The following PTPN20 variants were observed in gnomAD, a reference collection of about 807,000 sequenced individuals.
PTPN20 encodes the protein tyrosine-protein phosphatase non-receptor type 20.
PTPN20 carries 9 observed loss-of-function variants against 35.0 expected under a neutral mutation model. That is an observed-to-expected ratio of 0.26 (90% CI 0.15 to 0.45). PTPN20 has a LOEUF of 0.45. Among genes scored for constraint, PTPN20 ranks in the 20% least tolerant of loss-of-function variants. The pLI, the probability that PTPN20 is intolerant of heterozygous loss-of-function variation, is 1.00. For synonymous variants in PTPN20, 32 were observed against 100.2 expected (o/e 0.32, Z 4.06); for missense variants, 111 against 312.5 (o/e 0.36, Z 4.86).
chr10:46,928,396 A>T (rs1443752543), intron 1 of PTPN20, among the ~76,000 whole-genome samples: 1 of 151,374 alleles, frequency 6.6e-6, no homozygotes, highest in Non-Finnish European at 1.5e-5. Flanking sequence ...TTAAAAGTCA[A>T]CTTTATTGAG....
At chr10:46,998,832 T>A (rs1021312884) in intron 9 of PTPN20, among the ~76,000 whole-genome samples, 17 of 151,984 alleles carry the variant, frequency 1.1e-4, no homozygotes, top group Non-Finnish European at 1.9e-4. Flanking sequence ...TAAAATAAAA[T>A]TTTTTTATGG....
At chr10:46,988,883 C>T (rs1190452314) in intron 9 of PTPN20, among the ~76,000 whole-genome samples, 1 of 149,896 alleles carries the variant, frequency 6.7e-6, no homozygotes. Flanking sequence ...ATAAGATCAC[C>T]TTCTTTATTT....
intron 5 of PTPN20, among the ~76,000 whole-genome samples, chr10:46,954,502 T>G (rs1262860102): frequency 7.0e-6 from 1 of 142,744 alleles, no homozygotes; most frequent in Non-Finnish European, 1.5e-5. Flanking sequence ...TTCAGTGAAT[T>G]TGTCCCATTC....
intron 5 of PTPN20, chr10:46,947,939 G>A (rs1337874953): frequency 4.4e-6 from 2 of 452,986 alleles, no homozygotes; most frequent in African/African-American, 4.0e-5. Flanking sequence ...GTAAACATAA[G>A]TTTCCATTAC....
At chr10:46,937,322 G>A (rs1335342689) in intron 2 of PTPN20, among the ~76,000 whole-genome samples, 77,528 of 136,878 alleles carry the variant, frequency 0.57, 17,870 homozygotes, top group African/African-American at 0.7. Flanking sequence ...CTTTTCAGTA[G>A]TTTGAATATG....
intron 7 of PTPN20, chr10:46,981,241 A>G (rs1215925388): frequency 7.0e-6 from 1 of 142,104 alleles, no homozygotes; most frequent in Non-Finnish European, 1.5e-5. Context: ...AATCAAGTGA[A>G]TAGAGTGACA....
Position 47,001,723 on chromosome 10 carries a change from T to G in PTPN20, c.*982T>G, listed in dbSNP as rs2060053722. On this transcript the variant is annotated 3_prime_UTR_variant, in exon 11 of 11. Coordinates refer to ENST00000374339, the MANE Select transcript of PTPN20 (RefSeq NM_001042357.5). The stretch of plus-strand genomic sequence containing the variant: ...ACTTTCTCACCTCTGTTGAAACATT[T>G]AGAAACTGGATTTGGGAACCCAATT... The G allele has an allele frequency of 6.6e-6, 1 of 152,138 alleles. No homozygotes were observed. Among genetic ancestry groups the G allele is most frequent in the African/African-American group, 2.4e-5 (1 of 41,460 alleles). 9.4% of individuals were successfully genotyped at this position (152,138 alleles called of 1,614,324 possible).
At chr10:46,936,258 T>A (rs1175879025) in intron 2 of PTPN20, among the ~76,000 whole-genome samples, 4 of 151,928 alleles carry the variant, frequency 2.6e-5, no homozygotes, top group Non-Finnish European at 5.9e-5. Flanking sequence ...TGGAATGAGA[T>A]AGGGAGGAGT....
chr10:46,923,092 G>A (rs1303816527), intron 1 of PTPN20, among the ~76,000 whole-genome samples: 7 of 144,362 alleles, frequency 4.8e-5, no homozygotes, highest in African/African-American at 8.5e-5. Context: ...ATACAGTAAG[G>A]ATATGACTTT....
chr10:46,922,654 C>T (rs1289434368), intron 1 of PTPN20, among the ~76,000 whole-genome samples: 6 of 136,532 alleles, frequency 4.4e-5, no homozygotes, highest in East Asian at 2.0e-4. Flanking sequence ...AACATACTCC[C>T]GAAACAGGAC....
chr10:46,994,699 G>C (rs907411439), intron 9 of PTPN20, among the ~76,000 whole-genome samples: 14 of 152,066 alleles, frequency 9.2e-5, no homozygotes, highest in African/African-American at 3.4e-4. Context: ...TTATTTCTTT[G>C]AATAAGCTTC....
intron 1 of PTPN20, among the ~76,000 whole-genome samples, chr10:46,917,554 A>G (rs1235219271): frequency 7.2e-6 from 1 of 138,212 alleles, no homozygotes; most frequent in East Asian, 2.0e-4. Context: ...TTCATGAGGG[A>G]TATTGGTGTA....
At position 46,968,607 on chromosome 10, in the gene PTPN20, A is replaced by G. The variant is rs1187897870; in HGVS notation, c.583+560A>G. ...AGGAGTTATCCATCTCAGGCCATTC[A>G]AAGAGCAGAATCAAAACACAGCAAT... On this transcript the variant is annotated intron_variant, in intron 7 of 10. Transcript: ENST00000374339. Among the ~76,000 whole-genome samples the G allele has an allele frequency of 2.3e-3, 355 of 152,218 alleles. 1 individual carries two copies. The highest frequency in any genetic ancestry group is 8.4e-3 in the African/African-American group (347 of 41,452).
intron 1 of PTPN20, among the ~76,000 whole-genome samples, chr10:46,925,737 A>C (rs2037103055): frequency 1.3e-5 from 2 of 151,460 alleles, no homozygotes; most frequent in African/African-American, 4.9e-5. Context: ...TTCAGACAAG[A>C]ATATTATAAC....
intron 5 of PTPN20, among the ~76,000 whole-genome samples, chr10:46,952,659 G>C (rs1219411855): frequency 2.0e-5 from 3 of 149,316 alleles, no homozygotes; most frequent in Non-Finnish European, 4.4e-5. Flanking sequence ...TTCCTTGTCT[G>C]ATAGGGTGAC....
chr10:46,976,729 CTT>C (rs1224114409), intron 7 of PTPN20, among the ~76,000 whole-genome samples: 41 of 125,190 alleles, frequency 3.3e-4, no homozygotes, highest in African/African-American at 6.3e-4. Flanking sequence ...CTACTCTTGT[CTT>C]TTTTTTTTTT....
intron 7 of PTPN20, among the ~76,000 whole-genome samples, chr10:46,977,564 T>C (rs2054148111): frequency 6.7e-6 from 1 of 148,186 alleles, no homozygotes; most frequent in Non-Finnish European, 1.5e-5. Context: ...GGTAATCCTA[T>C]TCAGACATTT....
At chr10:46,992,024 A>C (rs2137313279) in intron 9 of PTPN20, among the ~76,000 whole-genome samples, 1 of 152,076 alleles carries the variant, frequency 6.6e-6, no homozygotes, top group African/African-American at 2.4e-5. Flanking sequence ...ATGTTTTCCA[A>C]GTTGTTTACT....
chr10:46,947,234 ATT>A (rs1491474589), intron 5 of PTPN20, among the ~76,000 whole-genome samples: 19 of 139,930 alleles, frequency 1.4e-4, no homozygotes, highest in African/African-American at 4.9e-4. Context: ...ATATATATAT[ATT>A]TATAAAATTT....
Sources: gnomAD v4.1 joint callset for allele counts (sites outside exome capture counted in the v4.1 genomes callset) on GRCh38, gnomAD v4.1.1 for gene constraint, MANE v1.5 for transcripts, NCBI Gene and HGNC (gene_info 2026-07-23, HGNC 2026-07-21) for gene names.